The following GALC variants were observed in gnomAD, a reference collection of about 807,000 sequenced individuals.
The protein encoded by GALC is galactocerebrosidase.
In GALC, 77 loss-of-function variants were observed where a neutral mutation model predicts 91.8. That is an observed-to-expected ratio of 0.84 (90% confidence interval 0.70 to 1.01). The LOEUF is 1.01. GALC is among the 50% of genes least tolerant of loss of function. The probability of loss-of-function intolerance (pLI) is 0.00; values close to 1 mark genes in which losing one functional copy is unlikely to be tolerated. For synonymous variants in GALC, 357 were observed against 306.7 expected (o/e 1.16, Z -1.71); for missense variants, 882 against 855.9 (o/e 1.03, Z -0.38).
intron 6 of GALC, chr14:87,976,702 C>A: frequency 2.2e-6 from 1 of 456,534 alleles, no homozygotes; most frequent in Non-Finnish European, 4.0e-6. Context: ...GCAACCTCTG[C>A]CTCCAGGGCT....
intron 7 of GALC, among the ~76,000 whole-genome samples, chr14:87,972,415 T>A (rs60617687): frequency 1.3e-5 from 2 of 152,170 alleles, no homozygotes; most frequent in Admixed American, 6.5e-5. Flanking sequence ...AGGAAAAATC[T>A]TTCCAAGAGG....
chr14:87,983,181 GA>G (rs1201596177), intron 5 of GALC, among the ~76,000 whole-genome samples: 5 of 150,664 alleles, frequency 3.3e-5, no homozygotes, highest in South Asian at 2.1e-4. Context: ...CTAATAAAAA[GA>G]AAAAAAAACT....
In GALC at chr14:87,955,205, G is replaced by A. The variant is rs1885476686; in HGVS notation, c.1162-4457C>T. On this transcript the variant is annotated intron_variant, in intron 10 of 16. Coordinates refer to ENST00000261304, the MANE Select transcript of GALC (RefSeq NM_000153.4). ...CATGGAGCCGATGCCCTTTTCTGAG[G>A]CCAGAGGAAGAAATGGCAGGCATTT... The A allele has an allele frequency of 3.5e-6, 4 of 1,158,240 alleles. No individual in the cohort carries two copies. In the Admixed American group the frequency reaches 5.1e-5, roughly 15 times the overall value. 71.7% of individuals were successfully genotyped at this position (1,158,240 alleles called of 1,614,324 possible).
chr14:87,963,211 G>T, intron 10 of GALC, 173 bp downstream of exon 10: 1 of 613,582 alleles, frequency 1.6e-6, no homozygotes. Context: ...TCAGTGAGTT[G>T]TGTGCTATGT....
At chr14:87,968,300 T>C (rs764867671) in intron 8 of GALC, 35 bp downstream of exon 8, 2 of 1,546,864 alleles carry the variant, frequency 1.3e-6, no homozygotes, top group South Asian at 2.3e-5. Context: ...TAAATTTTTT[T>C]TGATAAGAAC....
intron 4 of GALC, among the ~76,000 whole-genome samples, 198 bp downstream of exon 4, chr14:87,986,291 G>A (rs927514579): frequency 6.6e-6 from 1 of 152,052 alleles, no homozygotes; most frequent in Non-Finnish European, 1.5e-5. Context: ...TACTCCACAG[G>A]TATTATAAGG....
chr14:87,988,374 G>A, intron 2 of GALC, 81 bp downstream of exon 2: 1 of 1,255,002 alleles, frequency 8.0e-7, no homozygotes, highest in East Asian at 2.3e-5. Context: ...AGAATTGTGA[G>A]GCTAATAAAT....
chr14:87,942,645 G>A (rs1012358514), intron 14 of GALC, among the ~76,000 whole-genome samples: 1 of 152,056 alleles, frequency 6.6e-6, no homozygotes, highest in African/African-American at 2.4e-5. Flanking sequence ...TCTGGAAATG[G>A]GCTGGGGGGA....
chr14:87,983,479 A>G (rs1428110281), intron 5 of GALC, among the ~76,000 whole-genome samples: 2 of 152,224 alleles, frequency 1.3e-5, no homozygotes. Flanking sequence ...ATGTTCCAGC[A>G]TCTACTTCTC....
chr14:87,990,215 C>A (rs8014798), intron 1 of GALC, among the ~76,000 whole-genome samples: 22,122 of 152,130 alleles, frequency 0.15, 2,019 homozygotes, highest in African/African-American at 0.25. Context: ...AAGTTTGTAT[C>A]CTCATTCTTT....
At chr14:87,947,699 CAAGTT>C (rs1188979769) in intron 13 of GALC, 24 bp downstream of exon 13, 3 of 1,601,438 alleles carry the variant, frequency 1.9e-6, no homozygotes, top group African/African-American at 2.7e-5. Context: ...ATATAGAGAC[CAAGTT>C]AAGTTTTAGT....
rs1887308212 is a variant in GALC at position 87,993,169 on chromosome 14, T to TG, written c.-6dup. ...CGAGAGTAGCCACTCAGCCATTGTG[T>TG]GGGTCACATGACTCCGGCGCCCAGG... On this transcript the variant is annotated 5_prime_UTR_variant, in exon 1 of 17. Coordinates refer to ENST00000261304, the MANE Select transcript of GALC (RefSeq NM_000153.4). The TG allele has an allele frequency of 6.3e-7, 1 of 1,587,390 alleles. No homozygotes were observed. The highest frequency in any genetic ancestry group is 1.8e-5 in the Admixed American group (1 of 56,586).
At chr14:87,939,023 T>G (rs538288429) in intron 16 of GALC, among the ~76,000 whole-genome samples, 107 of 152,004 alleles carry the variant, frequency 7.0e-4, no homozygotes, top group South Asian at 2.7e-3. Context: ...CAGTAAACAT[T>G]AGATGTGCAA....
In GALC at chr14:87,986,945, T is replaced by C. The variant is rs532090297; in HGVS notation, c.329-343A>G. ...TCTCTCTGTAGTTTTCAAATCCCCA[T>C]GTCCAACTTTAAGTTCTGATTACCT... On this transcript the variant is annotated intron_variant, in intron 3 of 16. Transcript: ENST00000261304. 27 of 438,212 alleles carry C rather than the reference T, an allele frequency of 6.2e-5. 1 individual carries two copies. Among genetic ancestry groups the C allele is most frequent in the Admixed American group, 1.2e-4 (4 of 34,270 alleles). 27.1% of individuals were successfully genotyped at this position (438,212 alleles called of 1,614,324 possible).
At chr14:87,942,448 T>C (rs1235263217) in intron 14 of GALC, among the ~76,000 whole-genome samples, 1 of 151,986 alleles carries the variant, frequency 6.6e-6, no homozygotes, top group East Asian at 1.9e-4. Context: ...CTCTTACAAA[T>C]GCTACCAGGT....
intron 2 of GALC, 57 bp from the exon 3 acceptor site, chr14:87,988,264 A>T: frequency 6.9e-7 from 1 of 1,455,472 alleles, no homozygotes; most frequent in East Asian, 2.3e-5. Context: ...GCTTCAAGAC[A>T]ATTACTAATT....
chr14:87,965,381 T>G (rs1216141467), intron 9 of GALC, 124 bp downstream of exon 9: 1 of 1,088,146 alleles, frequency 9.2e-7, no homozygotes, highest in African/African-American at 1.6e-5. Flanking sequence ...CAAATCTTGC[T>G]TAAAACTTAA....
intron 1 of GALC, chr14:87,992,342 G>A (rs1319689419): frequency 6.5e-7 from 1 of 1,535,702 alleles, no homozygotes; most frequent in Non-Finnish European, 8.7e-7. Context: ...GGCCCAGAGG[G>A]AGTACCCGGT....
intron 8 of GALC, among the ~76,000 whole-genome samples, chr14:87,967,313 G>C (rs900721292): frequency 6.6e-6 from 1 of 152,138 alleles, no homozygotes; most frequent in Non-Finnish European, 1.5e-5. Context: ...TGGATCATAA[G>C]ACTGTAGGTG....
Sources: gnomAD v4.1 joint callset for allele counts (sites outside exome capture counted in the v4.1 genomes callset) on GRCh38, gnomAD v4.1.1 for gene constraint, MANE v1.5 for transcripts, NCBI Gene and HGNC (gene_info 2026-07-23, HGNC 2026-07-21) for gene names.